SNX6: variants seen among roughly 807,000 people sequenced by gnomAD.
SNX6 encodes the protein sorting nexin 6, also known as sorting nexin-6.
Under a neutral mutation model 63.0 loss-of-function variants are expected in SNX6, and 34 were observed. That is an observed-to-expected ratio of 0.54 (90% confidence interval 0.41 to 0.72). The LOEUF (loss-of-function observed/expected upper bound fraction) is 0.72. SNX6 is among the 30% of genes least tolerant of loss of function. The pLI, the probability that SNX6 is intolerant of heterozygous loss-of-function variation, is 0.00. For synonymous variants in SNX6, 170 were observed against 164.2 expected (o/e 1.04, Z -0.27); for missense variants, 398 against 471.4 (o/e 0.84, Z 1.44).
At chr14:34,601,741 CCCA>C (rs1882823989) in intron 6 of SNX6, among the ~76,000 whole-genome samples, 1 of 151,202 alleles carries the variant, frequency 6.6e-6, no homozygotes, top group South Asian at 2.1e-4. Context: ...ATTACAGGCG[CCCA>C]CCACCATGCC....
chr14:34,575,738 A>G lies in SNX6; in HGVS notation c.921+18T>C, dbSNP rs769987905. 2.2e-5 allele frequency: 33 copies of G among 1,475,410 alleles called. No homozygotes were observed. The highest frequency in any genetic ancestry group is 2.8e-5 in the African/African-American group (2 of 70,620). The allele number at this position is 1,475,410 out of a possible 1,614,324, so 91.4% of individuals were successfully genotyped here. ...GGCTGTTTGTAAAATGGCTCATTTA[A>G]AAAAAGATTAAAATTACCTTAGCAG... On this transcript the variant is annotated intron_variant, in intron 11 of 13. Transcript: ENST00000362031.
intron 8 of SNX6, 105 bp downstream of exon 8, chr14:34,592,940 C>G: frequency 1.3e-6 from 1 of 783,864 alleles, no homozygotes; most frequent in South Asian, 1.7e-5. Flanking sequence ...TCCAACAGAC[C>G]AGTTTGAGAA....
At chr14:34,613,991 C>T (rs1883328762) in intron 2 of SNX6, among the ~76,000 whole-genome samples, 1 of 151,786 alleles carries the variant, frequency 6.6e-6, no homozygotes, top group Non-Finnish European at 1.5e-5. Context: ...GCCTGTAATC[C>T]CAGCTACTCG....
At chr14:34,595,084 C>A (rs1882546344) in intron 7 of SNX6, among the ~76,000 whole-genome samples, 1 of 151,958 alleles carries the variant, frequency 6.6e-6, no homozygotes, top group African/African-American at 2.4e-5. Flanking sequence ...CAGAGCAAGA[C>A]CCTGTCTCAA....
At position 34,623,992 on chromosome 14, in the gene SNX6, G is replaced by A. The variant is rs139026731; in HGVS notation, c.54+5915C>T. Among the ~76,000 whole-genome samples, 55 of 152,268 alleles carry A rather than the reference G, an allele frequency of 3.6e-4. 2 individuals carry two copies. In the East Asian group the frequency reaches 0.01, roughly 28 times the overall value. On this transcript the variant is annotated intron_variant, in intron 2 of 13. Transcript: ENST00000362031. The stretch of plus-strand genomic sequence containing the variant: ...TAATATGTTACTGTCCTTTATTTGG[G>A]GGAGGAAAAACCTATTATATAGAGG...
chr14:34,608,296 GC>G (rs1342608451), intron 3 of SNX6, among the ~76,000 whole-genome samples, 156 bp from the exon 4 acceptor site: 2 of 152,042 alleles, frequency 1.3e-5, no homozygotes, highest in Non-Finnish European at 2.9e-5. Flanking sequence ...TCCCACCTCA[GC>G]CTCCGAGTAG....
In SNX6 at chr14:34,609,684, T is replaced by A; in HGVS notation, c.113A>T (p.Asp38Val). The A allele has an allele frequency of 6.2e-7, 1 of 1,613,408 alleles. No homozygotes were observed. Among genetic ancestry groups the A allele is most frequent in the Non-Finnish European group, 8.5e-7 (1 of 1,179,592 alleles). The change falls in exon 3 of 14, where the codon GAT becomes GTT. Residue 38 changes from aspartate (D) to valine (V), a missense_variant. Asp to Val is a radical substitution (Grantham distance 152). Coordinates refer to ENST00000362031, the MANE Select transcript of SNX6 (RefSeq NM_152233.4). ...TACTTTATCCCGCTCACTAAGAGCA[T>A]CAGAAATGTCCACCTGCAGAGCAGC... ...SDAALQVDIS[D>V]ALSERDKVKF...
intron 11 of SNX6, among the ~76,000 whole-genome samples, chr14:34,574,661 A>T (rs577434934): frequency 6.6e-6 from 1 of 151,626 alleles, no homozygotes; most frequent in Admixed American, 6.6e-5. Context: ...TCCTTTAGCA[A>T]TACAACTGTT....
chr14:34,563,080 T>G lies in SNX6; in HGVS notation c.*42A>C, dbSNP rs1048346301. On this transcript the variant is annotated 3_prime_UTR_variant, in exon 14 of 14. Transcript: ENST00000362031. Reference sequence around the variant, plus strand: ...TCATTAAGAAAACAAAAATAAAATTTGAAGGAAGGCAGCCCTTTTTAACAG... The same window carrying G: ...TCATTAAGAAAACAAAAATAAAATTGGAAGGAAGGCAGCCCTTTTTAACAG... The G allele has an allele frequency of 1.9e-6, 3 of 1,588,204 alleles. No homozygotes were observed. The African/African-American group carries it at 4.1e-5, about 21-fold the overall frequency.
At chr14:34,603,034 T>C (rs1422582094) in intron 6 of SNX6, among the ~76,000 whole-genome samples, 6 of 150,866 alleles carry the variant, frequency 4.0e-5, no homozygotes, top group Non-Finnish European at 8.8e-5. Context: ...TCCTAGCACT[T>C]TGGGAGGCCG....
At chr14:34,576,435 C>CGT (rs1881704749) in intron 10 of SNX6, among the ~76,000 whole-genome samples, 1 of 138,456 alleles carries the variant, frequency 7.2e-6, no homozygotes, top group African/African-American at 2.8e-5. Flanking sequence ...GGAAGGACAC[C>CGT]ATATATATAT....
At chr14:34,629,592 G>T (rs1566498708) in intron 2 of SNX6, 1 of 628,874 alleles carries the variant, frequency 1.6e-6, no homozygotes, top group Non-Finnish European at 3.0e-6. Context: ...GGAGGGTGGG[G>T]GCGTTCCATC....
Position 34,567,236 on chromosome 14 carries a change from C to T in SNX6, c.1167+450G>A, listed in dbSNP as rs1197098787. ...GTACGGTGGCTCGTGTCTGTAATCT[C>T]AGCACTTTGGGAGGCTGAGGCAGGA... On this transcript the variant is annotated intron_variant, in intron 13 of 13. Transcript: ENST00000362031. Among the ~76,000 whole-genome samples, 3 of 151,842 alleles carry T rather than the reference C, an allele frequency of 2.0e-5. No individual in the cohort carries two copies. In the East Asian group the frequency reaches 5.8e-4, roughly 29 times the overall value.
intron 9 of SNX6, among the ~76,000 whole-genome samples, 196 bp from the exon 10 acceptor site, chr14:34,581,796 A>G (rs748818651): frequency 1.8e-4 from 28 of 152,152 alleles, no homozygotes; most frequent in Admixed American, 4.6e-4. Context: ...TGATTACTTG[A>G]AATCTGTTTA....
intron 7 of SNX6, among the ~76,000 whole-genome samples, chr14:34,596,138 A>G (rs1594724811): frequency 6.6e-6 from 1 of 151,288 alleles, no homozygotes; most frequent in Non-Finnish European, 1.5e-5. Flanking sequence ...AATGGTGTGA[A>G]CCCAGGAGGC....
intron 13 of SNX6, among the ~76,000 whole-genome samples, chr14:34,567,041 G>A (rs188358353): frequency 2.3e-4 from 35 of 151,962 alleles, no homozygotes; most frequent in Middle Eastern, 6.8e-3. Flanking sequence ...TGGCTAACAT[G>A]GTGAAAACCC....
At chr14:34,567,298 C>T (rs1472379829) in intron 13 of SNX6, among the ~76,000 whole-genome samples, 2 of 151,722 alleles carry the variant, frequency 1.3e-5, no homozygotes, top group South Asian at 2.1e-4. Flanking sequence ...ATAAGCCTGA[C>T]CAACATGGTG....
rs371139377 is a variant in SNX6, at chr14:34,581,985, C to T, written c.795-385G>A. The stretch of plus-strand genomic sequence containing the variant: ...CTGGGACTACAGGCGCCCGCCACCA[C>T]GCCTAGCTAATTTTTGTATTTTTAG... On this transcript the variant is annotated intron_variant, in intron 9 of 13. Coordinates refer to ENST00000362031, the MANE Select transcript of SNX6 (RefSeq NM_152233.4). Among the ~76,000 whole-genome samples the T allele has an allele frequency of 1.8e-4, 28 of 152,100 alleles. 1 individual carries two copies. The South Asian group carries it at 5.8e-3, about 32-fold the overall frequency.
chr14:34,616,345 C>T (rs1883419024), intron 2 of SNX6, among the ~76,000 whole-genome samples: 1 of 152,008 alleles, frequency 6.6e-6, no homozygotes, highest in African/African-American at 2.4e-5. Flanking sequence ...ATCAACTGCA[C>T]CTTAAATCTG....
Sources: gnomAD v4.1 joint callset for allele counts (sites outside exome capture counted in the v4.1 genomes callset) on GRCh38, gnomAD v4.1.1 for gene constraint, MANE v1.5 for transcripts, NCBI Gene and HGNC (gene_info 2026-07-23, HGNC 2026-07-21) for gene names.